Variants in DOCK3 observed in about 807,000 individuals in gnomAD.
DOCK3 encodes dedicator of cytokinesis 3, also known as dedicator of cytokinesis protein 3.
DOCK3 carries 60 observed loss-of-function variants against 265.6 expected under a neutral mutation model. The observed-to-expected ratio is 0.23, with a 90% CI of 0.18 to 0.28. The LOEUF (loss-of-function observed/expected upper bound fraction) is 0.28. DOCK3 is among the 10% of genes least tolerant of loss of function. The probability of loss-of-function intolerance (pLI) is 1.00; values close to 1 mark genes in which losing one functional copy is unlikely to be tolerated. For missense variants in DOCK3, 1,981 were observed against 2,594.3 expected (o/e 0.76, Z 5.14); for synonymous variants, 881 against 938.0 (o/e 0.94, Z 1.11).
intron 4 of DOCK3, among the ~76,000 whole-genome samples, chr3:50,910,987 C>T (rs1192206602): frequency 6.8e-6 from 1 of 146,486 alleles, no homozygotes; most frequent in Non-Finnish European, 1.5e-5. Context: ...CTATGCCTTC[C>T]CTCATTTGTC....
chr3:51,240,649 G>A (rs1326137240), intron 21 of DOCK3, among the ~76,000 whole-genome samples: 1 of 152,120 alleles, frequency 6.6e-6, no homozygotes, highest in African/African-American at 2.4e-5. Flanking sequence ...AAGAGAGTTA[G>A]GTCTTCTTGT....
At chr3:50,892,106 A>G (rs950051666) in intron 4 of DOCK3, among the ~76,000 whole-genome samples, 2 of 152,132 alleles carry the variant, frequency 1.3e-5, no homozygotes, top group Non-Finnish European at 2.9e-5. Flanking sequence ...TTAAAAAACA[A>G]TTGTCTGCAG....
rs975353286 is a variant in DOCK3 at position 51,258,326 on chromosome 3, T to A, written c.2185-1830T>A. On this transcript the variant is annotated intron_variant, in intron 22 of 52. Transcript: ENST00000266037. Reference sequence around the variant, plus strand: ...AAAAAACTCATTTATTTTCCTGTCTTTACTTCCAGTGCTCCACGTAATTGC... The same window carrying A: ...AAAAAACTCATTTATTTTCCTGTCTATACTTCCAGTGCTCCACGTAATTGC... Among the ~76,000 whole-genome samples the A allele has an allele frequency of 9.8e-5, 15 of 152,340 alleles. No individual in the cohort carries two copies. The East Asian group carries it at 1.7e-3, about 18-fold the overall frequency.
intron 12 of DOCK3, among the ~76,000 whole-genome samples, chr3:51,173,817 G>A (rs941090013): frequency 1.3e-5 from 2 of 152,086 alleles, no homozygotes; most frequent in Non-Finnish European, 2.9e-5. Context: ...GATCCTTTGA[G>A]CTTCATGAAT....
chr3:50,739,115 C>T (rs2038841488), intron 1 of DOCK3, among the ~76,000 whole-genome samples: 2 of 152,110 alleles, frequency 1.3e-5, no homozygotes, highest in Admixed American at 1.3e-4. Flanking sequence ...AACATATTCT[C>T]TAATCTACTA....
At chr3:50,818,614 G>T (rs781069056) in intron 2 of DOCK3, among the ~76,000 whole-genome samples, 18 of 152,242 alleles carry the variant, frequency 1.2e-4, no homozygotes, top group Admixed American at 1.2e-3. Flanking sequence ...AAGAAGTCAG[G>T]TGCAGGGTAT....
chr3:50,721,282 G>A (rs1047679793), intron 1 of DOCK3, among the ~76,000 whole-genome samples: 2 of 152,028 alleles, frequency 1.3e-5, no homozygotes, highest in Non-Finnish European at 2.9e-5. Context: ...TGTCCAGAAT[G>A]GCATTTCCTA....
chr3:51,018,964 A>T (rs2079473949), intron 5 of DOCK3, among the ~76,000 whole-genome samples: 1 of 151,880 alleles, frequency 6.6e-6, no homozygotes, highest in Non-Finnish European at 1.5e-5. Context: ...TGTATTTTTA[A>T]TCCCAGTGGT....
At chr3:51,247,672 G>A (rs138239021) in intron 22 of DOCK3, among the ~76,000 whole-genome samples, 1,985 of 152,206 alleles carry the variant, frequency 0.013, 40 homozygotes, top group Non-Finnish European at 0.015. Flanking sequence ...TGCACATTCC[G>A]TAAAAATCTG....
At position 50,745,294 on chromosome 3, in the gene DOCK3, C is replaced by A. The variant is rs544356472; in HGVS notation, c.38-33381C>A. The stretch of plus-strand genomic sequence containing the variant: ...CTCCCAACCTCAGGTGATCTGCCCA[C>A]CTCAGCCTCCCAAAGTGCTGGGATG... On this transcript the variant is annotated intron_variant, in intron 1 of 52. Coordinates refer to ENST00000266037, the MANE Select transcript of DOCK3 (RefSeq NM_004947.5). Among the ~76,000 whole-genome samples, 10 of 152,200 alleles carry A rather than the reference C, an allele frequency of 6.6e-5. No individual in the cohort carries two copies. In the East Asian group the frequency reaches 1.9e-3, roughly 29 times the overall value.
At chr3:50,945,523 A>G (rs905606605) in intron 5 of DOCK3, among the ~76,000 whole-genome samples, 1 of 152,150 alleles carries the variant, frequency 6.6e-6, no homozygotes, top group African/African-American at 2.4e-5. Context: ...GAAATGAACA[A>G]TTTCTAGATT....
intron 3 of DOCK3, among the ~76,000 whole-genome samples, chr3:50,872,707 A>G (rs943435761): frequency 2.6e-5 from 4 of 152,132 alleles, no homozygotes; most frequent in African/African-American, 9.7e-5. Flanking sequence ...TTAGAAGTCT[A>G]CCTTATGTTC....
chr3:50,900,937 C>T (rs1258571998), intron 4 of DOCK3: 3 of 429,630 alleles, frequency 7.0e-6, no homozygotes, highest in South Asian at 1.7e-5. Flanking sequence ...GTCTCCTAGT[C>T]AGGAGGCACG....
intron 1 of DOCK3, among the ~76,000 whole-genome samples, chr3:50,765,229 G>A (rs997126358): frequency 3.3e-5 from 5 of 151,098 alleles, no homozygotes; most frequent in African/African-American, 9.7e-5. Flanking sequence ...TTACAGGCAC[G>A]TGCCACCATT....
In DOCK3 at chr3:51,237,135, C is replaced by A. The variant is rs2078380531; in HGVS notation, c.2002-355C>A. 2.0e-5 allele frequency among the ~76,000 whole-genome samples: 3 copies of A among 152,262 alleles called. No individual in the cohort carries two copies. The South Asian group carries it at 6.2e-4, about 32-fold the overall frequency. ...GCTCAGAGGACAAGCTTTTTTTCCT[C>A]TCTTTTCCACGTTTTTGGGAATACC... On this transcript the variant is annotated intron_variant, in intron 20 of 52. Coordinates refer to ENST00000266037, the MANE Select transcript of DOCK3 (RefSeq NM_004947.5).
chr3:51,104,044 G>C (rs2083184163), intron 9 of DOCK3, among the ~76,000 whole-genome samples: 1 of 152,188 alleles, frequency 6.6e-6, no homozygotes, highest in African/African-American at 2.4e-5. Flanking sequence ...ACATGGGATA[G>C]GGGAAATTTT....
chr3:51,371,953 T>C (rs1454163962), intron 49 of DOCK3, among the ~76,000 whole-genome samples: 2 of 152,166 alleles, frequency 1.3e-5, no homozygotes. Flanking sequence ...GCATTAGATA[T>C]GGGTTTGATG....
chr3:51,208,743 G>T (rs557331789), intron 12 of DOCK3, 31 bp from the exon 13 acceptor site: 65 of 1,567,850 alleles, frequency 4.1e-5, no homozygotes, highest in Non-Finnish European at 4.4e-5. Context: ...TAAAATACTT[G>T]AGTACCATAA....
chr3:51,267,659 T>A (rs1484983067), intron 23 of DOCK3, among the ~76,000 whole-genome samples: 1 of 152,186 alleles, frequency 6.6e-6, no homozygotes, highest in Non-Finnish European at 1.5e-5. Flanking sequence ...GTGCTGGGAT[T>A]ACACGCATGA....
Sources: allele counts gnomAD v4.1 joint callset (sites outside exome capture counted in the v4.1 genomes callset), GRCh38; gene constraint gnomAD v4.1.1; transcripts MANE v1.5; gene names NCBI Gene and HGNC (gene_info 2026-07-23, HGNC 2026-07-21).